GIGYF2: variants seen among roughly 807,000 people sequenced by gnomAD.
GIGYF2 encodes GRB10-interacting GYF protein 2.
A neutral mutation model predicts 208.1 loss-of-function variants in GIGYF2; 25 were observed. The ratio of observed to expected loss-of-function variants is 0.12; its 90% CI spans 0.09 to 0.17. The LOEUF (loss-of-function observed/expected upper bound fraction) is 0.17. GIGYF2 is among the 10% of genes least tolerant of loss of function. The pLI, the probability that GIGYF2 is intolerant of heterozygous loss-of-function variation, is 1.00. For missense variants in GIGYF2, 1,302 were observed against 1,579.4 expected (o/e 0.82, Z 2.98); for synonymous variants, 534 against 543.8 (o/e 0.98, Z 0.25).
Position 232,778,729 on chromosome 2 carries a change from T to C in GIGYF2, c.533-8421T>C, listed in dbSNP as rs182568274. ...AAGGACCAGATGATTGAAGTTCTTA[T>C]AGCATTGGAATAGGGATGTGGAGGT... is the stretch of plus-strand genomic sequence containing the variant. On this transcript the variant is annotated intron_variant, in intron 8 of 28. Transcript: ENST00000373563. 1.5e-4 allele frequency among the ~76,000 whole-genome samples: 23 copies of C among 152,270 alleles called. No homozygotes were observed. The East Asian group carries it at 3.9e-3, about 26-fold the overall frequency.
At chr2:232,718,238 C>T (rs1415670800) in intron 2 of GIGYF2, among the ~76,000 whole-genome samples, 2 of 152,072 alleles carry the variant, frequency 1.3e-5, no homozygotes, top group East Asian at 1.9e-4. Flanking sequence ...GCTAGGATTA[C>T]AGGCGCCCAC....
chr2:232,766,565 G>A (rs1698971230), intron 8 of GIGYF2: 1 of 152,138 alleles, frequency 6.6e-6, no homozygotes, highest in Admixed American at 6.5e-5. Context: ...AATAGTCTTG[G>A]GTTGGGAAAA....
rs189316083 is a variant in GIGYF2, at chr2:232,838,473, T to C, written c.2767-1376T>C. On this transcript the variant is annotated intron_variant, in intron 22 of 28. Transcript: ENST00000373563. ...ATTCCCAGTGCTGGCTGAGTTCTGC[T>C]GAAGCGGGCTTGAAAGATTGTTTCC... is the stretch of plus-strand genomic sequence containing the variant. 9.2e-5 allele frequency among the ~76,000 whole-genome samples: 14 copies of C among 152,318 alleles called. No individual in the cohort carries two copies. In the East Asian group the frequency reaches 2.7e-3, roughly 29 times the overall value.
intron 18 of GIGYF2, among the ~76,000 whole-genome samples, chr2:232,814,570 C>A (rs1435111507): frequency 7.8e-6 from 1 of 128,650 alleles, no homozygotes; most frequent in African/African-American, 2.8e-5. Context: ...CTCAAACCCC[C>A]CCCCCCCAAA....
At chr2:232,742,374 C>G (rs1697999518) in intron 3 of GIGYF2, among the ~76,000 whole-genome samples, 1 of 152,128 alleles carries the variant, frequency 6.6e-6, no homozygotes, top group Non-Finnish European at 1.5e-5. Flanking sequence ...AACCCCATCT[C>G]TACTAAAAAT....
In GIGYF2 at chr2:232,857,691, G is replaced by C. The variant is rs1319233737; in HGVS notation, c.*831G>C. 2 of 152,530 alleles carry C rather than the reference G, an allele frequency of 1.3e-5. No individual in the cohort carries two copies. The allele number at this position is 152,530 out of a possible 1,614,324, so 9.4% of individuals were successfully genotyped here. The stretch of plus-strand genomic sequence containing the variant: ...TAAATATTTTTACTTCAGAGGACTA[G>C]GACCATTTTGTTTTGGGCCCTTCTG... On this transcript the variant is annotated 3_prime_UTR_variant, in exon 29 of 29. Coordinates refer to ENST00000373563, the MANE Select transcript of GIGYF2 (RefSeq NM_001103146.3).
At chr2:232,725,418 C>A (rs1697151840) in intron 2 of GIGYF2, among the ~76,000 whole-genome samples, 1 of 152,186 alleles carries the variant, frequency 6.6e-6, no homozygotes, top group Non-Finnish European at 1.5e-5. Flanking sequence ...AAGACTGCCT[C>A]ATTCTTAGTA....
At chr2:232,762,916 C>G (rs1361128090) in intron 8 of GIGYF2, among the ~76,000 whole-genome samples, 1 of 151,806 alleles carries the variant, frequency 6.6e-6, no homozygotes, top group African/African-American at 2.4e-5. Context: ...ACTTGGGAGG[C>G]CATCATGTGA....
At chr2:232,839,779 A>G (rs946557668) in intron 22 of GIGYF2, 70 bp from the exon 23 acceptor site, 8 of 1,484,778 alleles carry the variant, frequency 5.4e-6, no homozygotes, top group Middle Eastern at 3.5e-4. Flanking sequence ...GGTATACATA[A>G]TGCATTATTG....
At position 232,857,240 on chromosome 2, in the gene GIGYF2, TTTC is replaced by T. The variant is rs977037858; in HGVS notation, c.*389_*391del. ...TCACTTTTTTTCTTCTATTTTGTTT[TTTC>T]TTCTTCTTTTTCCCCCCATCAGGGC... On this transcript the variant is annotated 3_prime_UTR_variant, in exon 29 of 29. Transcript: ENST00000373563. 2.1e-5 allele frequency: 7 copies of T among 328,134 alleles called. No individual in the cohort carries two copies. The highest frequency in any genetic ancestry group is 4.6e-5 in the Admixed American group (1 of 21,700). 20.3% of individuals were successfully genotyped at this position (328,134 alleles called of 1,614,324 possible).
chr2:232,750,831 T>A (rs1198338902), intron 5 of GIGYF2, among the ~76,000 whole-genome samples: 1 of 152,098 alleles, frequency 6.6e-6, no homozygotes, highest in Non-Finnish European at 1.5e-5. Context: ...TCTCACTCTG[T>A]CATCCAGGCT....
intron 20 of GIGYF2, among the ~76,000 whole-genome samples, chr2:232,818,428 A>AT (rs1482345871): frequency 6.6e-6 from 1 of 152,196 alleles, no homozygotes; most frequent in African/African-American, 2.4e-5. Flanking sequence ...CCCAGCAATA[A>AT]TTTTGAATGT....
At chr2:232,819,271 T>C (rs1701004682) in intron 20 of GIGYF2, among the ~76,000 whole-genome samples, 1 of 152,224 alleles carries the variant, frequency 6.6e-6, no homozygotes, top group Non-Finnish European at 1.5e-5. Context: ...TAGTTCTGTG[T>C]TGCGCAGTTT....
intron 21 of GIGYF2, among the ~76,000 whole-genome samples, chr2:232,824,657 G>C (rs1701194943): frequency 6.6e-6 from 1 of 152,238 alleles, no homozygotes; most frequent in South Asian, 2.1e-4. Flanking sequence ...AGCAGCTAGT[G>C]CTGATGTAGA....
At chr2:232,835,425 T>C (rs1701553603) in intron 22 of GIGYF2, among the ~76,000 whole-genome samples, 1 of 152,224 alleles carries the variant, frequency 6.6e-6, no homozygotes, top group Non-Finnish European at 1.5e-5. Context: ...TTATAACATA[T>C]GCGAAGTCTT....
chr2:232,708,046 C>T (rs754584990), intron 2 of GIGYF2, among the ~76,000 whole-genome samples: 39 of 152,098 alleles, frequency 2.6e-4, no homozygotes, highest in South Asian at 4.1e-4. Flanking sequence ...ACTGCAGCCT[C>T]GACCTTCTCA....
rs1213803689 is a variant in GIGYF2, at chr2:232,836,399, A to AAT, written c.2766+3316_2766+3317dup. ...ATAAATATAAATATATATAAATATA[A>AAT]ATATATATATAAATAAATTATTCAG... On this transcript the variant is annotated intron_variant, in intron 22 of 28. Coordinates refer to ENST00000373563, the MANE Select transcript of GIGYF2 (RefSeq NM_001103146.3). Among the ~76,000 whole-genome samples, 61 of 47,778 alleles carry AAT rather than the reference A, an allele frequency of 1.3e-3. 7 individuals carry two copies. Among genetic ancestry groups the AAT allele is most frequent in the African/African-American group, 4.5e-3 (42 of 9,410 alleles). The allele number at this position is 47,778 out of a possible 152,430, so 31.3% of individuals were successfully genotyped here. A position where few individuals can be genotyped will look rare whatever the true frequency, so the allele number is the denominator to read the frequency against.
At chr2:232,812,359 G>A in intron 17 of GIGYF2, 32 bp from the exon 18 acceptor site, 5 of 853,384 alleles carry the variant, frequency 5.9e-6, no homozygotes, top group African/African-American at 1.7e-5. Context: ...CAAATGACAA[G>A]AACAAGTTAA....
At chr2:232,759,886 A>G (rs139535749) in intron 6 of GIGYF2, among the ~76,000 whole-genome samples, 9 of 152,252 alleles carry the variant, frequency 5.9e-5, no homozygotes, top group Admixed American at 3.3e-4. Context: ...TGTTGGTTCA[A>G]GTTTAGTCCT....
Sources: allele counts gnomAD v4.1 joint callset (sites outside exome capture counted in the v4.1 genomes callset), GRCh38; gene constraint gnomAD v4.1.1; transcripts MANE v1.5; gene names NCBI Gene and HGNC (gene_info 2026-07-23, HGNC 2026-07-21).